AR: variants seen among roughly 807,000 people sequenced by gnomAD.
AR encodes dihydrotestosterone receptor.
AR carries 8 observed loss-of-function variants against 53.9 expected under a neutral mutation model. That is an observed-to-expected ratio of 0.15 (90% CI 0.09 to 0.27). AR has a LOEUF of 0.27. Among genes scored for constraint, AR ranks in the 10% least tolerant of loss-of-function variants. The pLI is 1.00. For missense variants in AR, 639 were observed against 742.5 expected (o/e 0.86, Z 1.62); for synonymous variants, 359 against 316.4 (o/e 1.13, Z -1.43).
At position 67,545,316 on chromosome X, in the gene AR, TGCAGCAGCAGCAGCAGCAGCAGCA is replaced by T. The variant is rs3032358; in HGVS notation, c.216_239del (p.Gln73_Gln80del). 2.3e-3 allele frequency: 2,301 copies of T among 1,003,104 alleles called. 19 individuals carry two copies. The highest frequency in any genetic ancestry group is 0.017 in the African/African-American group (713 of 42,487). The allele number at this position is 1,003,104 out of a possible 1,213,427, so 82.7% of individuals were successfully genotyped here. A position where few individuals can be genotyped will look rare whatever the true frequency, so the allele number is the denominator to read the frequency against. ...CCTCCCGGCGCCAGTTTGCTGCTGC[TGCAGCAGCAGCAGCAGCAGCAGCA>T]GCAGCAGCAGCAGCAGCAGCAGCAG... On this transcript the variant is annotated inframe_deletion, in exon 1 of 8. Coordinates refer to ENST00000374690, the MANE Select transcript of AR (RefSeq NM_000044.6).
chrX:67,728,709 G>T lies in AR; in HGVS notation c.*4868G>T, dbSNP rs2076168915. ...ATGCCATGTACTTGTGAGAGAGGAT[G>T]CAGTTTTGTTTTGGAAGCTCTCTCA... On this transcript the variant is annotated 3_prime_UTR_variant, in exon 8 of 8. Coordinates refer to ENST00000374690, the MANE Select transcript of AR (RefSeq NM_000044.6). 1.5e-5 allele frequency: 2 copies of T among 135,778 alleles called. No homozygotes were observed. Among genetic ancestry groups the T allele is most frequent in the Middle Eastern group, 2.6e-3 (1 of 391 alleles). 11.2% of individuals were successfully genotyped at this position (135,778 alleles called of 1,213,427 possible).
At chrX:67,665,730 T>A (rs1927230987) in intron 2 of AR, among the ~76,000 whole-genome samples, 1 of 111,548 alleles carries the variant, frequency 9.0e-6, no homozygotes, top group Non-Finnish European at 1.9e-5. Context: ...GTAACATCAG[T>A]GAGTGACCTG....
rs757699770 is a variant in AR at position 67,724,342 on chromosome X, AAAATAAAT to A, written c.*519_*526del. ...AAACCTTGCTAGTGTTTTTTCCTCAAAAATAAATAAATAAATAAATAAATACGTACATA... is the reference window on the plus strand; with the variant it reads ...AAACCTTGCTAGTGTTTTTTCCTCAAAAATAAATAAATAAATACGTACATA... On this transcript the variant is annotated 3_prime_UTR_variant, in exon 8 of 8. Coordinates refer to ENST00000374690, the MANE Select transcript of AR (RefSeq NM_000044.6). 4 of 178,122 alleles carry A rather than the reference AAAATAAAT, an allele frequency of 2.2e-5. No individual in the cohort carries two copies. Among genetic ancestry groups the A allele is most frequent in the Non-Finnish European group, 3.2e-5 (3 of 94,203 alleles). The allele number at this position is 178,122 out of a possible 1,213,427, so 14.7% of individuals were successfully genotyped here.
At chrX:67,696,134 T>G (rs1313985899) in intron 3 of AR, 1 of 683,395 alleles carries the variant, frequency 1.5e-6, no homozygotes, top group African/African-American at 2.5e-5. Flanking sequence ...CATTGGATCT[T>G]TTTTCTTTTT....
At chrX:67,559,190 G>A (rs758044239) in intron 1 of AR, among the ~76,000 whole-genome samples, 153 of 111,877 alleles carry the variant, frequency 1.4e-3, no homozygotes, top group South Asian at 9.9e-3. Flanking sequence ...TAGCAGAACC[G>A]GAACTTGAAT....
chrX:67,574,813 T>C (rs887981379), intron 1 of AR, among the ~76,000 whole-genome samples: 5 of 111,352 alleles, frequency 4.5e-5, no homozygotes, highest in Non-Finnish European at 9.4e-5. Context: ...AAGGAAGAAA[T>C]TAGCCTGAGG....
chrX:67,716,669 G>A (rs1322074732), intron 4 of AR, among the ~76,000 whole-genome samples: 2 of 111,400 alleles, frequency 1.8e-5, no homozygotes, highest in African/African-American at 3.3e-5. Flanking sequence ...GAGGATGGAC[G>A]CAAGAGAGGG....
chrX:67,713,567 A>G (rs777427464), intron 4 of AR, among the ~76,000 whole-genome samples: 6 of 111,727 alleles, frequency 5.4e-5, no homozygotes, highest in Admixed American at 1.9e-4. Context: ...CAACAATTCT[A>G]TGAATCATAG....
intron 3 of AR, among the ~76,000 whole-genome samples, chrX:67,706,936 G>A (rs1287008670): frequency 1.8e-5 from 2 of 112,066 alleles, no homozygotes; most frequent in African/African-American, 6.5e-5. Context: ...AGGTTGTTCA[G>A]TTTCCATGTA....
chrX:67,648,921 A>G (rs1460253525), intron 2 of AR, among the ~76,000 whole-genome samples: 1 of 111,676 alleles, frequency 9.0e-6, no homozygotes, highest in African/African-American at 3.3e-5. Context: ...CACGTTCAGA[A>G]TATGCAGGTT....
At chrX:67,639,609 GCTCT>G (rs1416467639) in intron 1 of AR, among the ~76,000 whole-genome samples, 1 of 111,085 alleles carries the variant, frequency 9.0e-6, no homozygotes, top group African/African-American at 3.3e-5. Flanking sequence ...TCATGATTTG[GCTCT>G]CTGTTTGTCT....
chrX:67,695,700 C>A, intron 3 of AR: 1 of 750,483 alleles, frequency 1.3e-6, no homozygotes, highest in Non-Finnish European at 1.6e-6. Context: ...CCCTGACTTG[C>A]CTGGGGCCTG....
In AR at chrX:67,545,222, C is replaced by T. The variant is rs2147314038; in HGVS notation, c.76C>T (p.Leu26=). The change falls in exon 1 of 8, where the codon CTG becomes TTG. Residue 26 remains leucine (L), a synonymous_variant. Transcript: ENST00000374690. The stretch of plus-strand genomic sequence containing the variant: ...GACCTACCGAGGAGCTTTCCAGAAT[C>T]TGTTCCAGAGCGTGCGCGAAGTGAT... The part of the protein sequence containing the change: ...SKTYRGAFQN[L]FQSVREVIQN... 1 of 1,210,343 alleles carries T rather than the reference C, an allele frequency of 8.3e-7. No homozygotes were observed. The highest frequency in any genetic ancestry group is 1.1e-6 in the Non-Finnish European group (1 of 895,162).
chrX:67,651,420 G>A (rs1395453513), intron 2 of AR, among the ~76,000 whole-genome samples: 2 of 110,866 alleles, frequency 1.8e-5, no homozygotes, highest in African/African-American at 6.5e-5. Context: ...GGTACAGAGT[G>A]AGAGGTTATT....
chrX:67,672,728 G>A lies in AR; in HGVS notation c.1769-13282G>A, dbSNP rs191697319. On this transcript the variant is annotated intron_variant, in intron 2 of 7. Transcript: ENST00000374690. ...GTTTATGTCTTGAAAAGTAGTTTCA[G>A]TTATTACTTTTGATTGGTTCATCTC... Among the ~76,000 whole-genome samples, 14 of 111,167 alleles carry A rather than the reference G, an allele frequency of 1.3e-4. No individual in the cohort carries two copies. In the East Asian group the frequency reaches 3.7e-3, roughly 29 times the overall value.
In AR at chrX:67,714,548, C is replaced by T. The variant is rs949364896; in HGVS notation, c.2173+2859C>T. On this transcript the variant is annotated intron_variant, in intron 4 of 7. Coordinates refer to ENST00000374690, the MANE Select transcript of AR (RefSeq NM_000044.6). ...TTCCAAACTGGCCTTTCTTTGAGCC[C>T]ATTCTCCCAGACTAGACAGGAGACT... Among the ~76,000 whole-genome samples the T allele has an allele frequency of 1.2e-4, 13 of 111,664 alleles. 1 individual carries two copies. The highest frequency in any genetic ancestry group is 3.8e-5 in the Non-Finnish European group (2 of 53,209).
intron 6 of AR, 81 bp from the exon 7 acceptor site, chrX:67,722,746 T>C (rs1033818094): frequency 8.9e-7 from 1 of 1,127,789 alleles, no homozygotes; most frequent in African/African-American, 1.8e-5. Context: ...GTCAAGTCTG[T>C]GGTCAGAAAA....
At chrX:67,594,235 C>T (rs1922978374) in intron 1 of AR, among the ~76,000 whole-genome samples, 1 of 111,810 alleles carries the variant, frequency 8.9e-6, no homozygotes, top group African/African-American at 3.3e-5. Context: ...TTCAAGCAAT[C>T]CTTCCACCTC....
At chrX:67,571,862 T>C (rs1381348399) in intron 1 of AR, among the ~76,000 whole-genome samples, 2 of 110,699 alleles carry the variant, frequency 1.8e-5, no homozygotes, top group Non-Finnish European at 3.8e-5. Flanking sequence ...GAATCTATCC[T>C]ATTTTATAAT....
Sources: allele counts gnomAD v4.1 joint callset (sites outside exome capture counted in the v4.1 genomes callset), GRCh38; gene constraint gnomAD v4.1.1; transcripts MANE v1.5; gene names NCBI Gene and HGNC (gene_info 2026-07-23, HGNC 2026-07-21).